The following CEP128 variants were observed in gnomAD, a reference collection of about 807,000 sequenced individuals.
CEP128 encodes centrosomal protein 128kDa.
Under a neutral mutation model 156.7 loss-of-function variants are expected in CEP128, and 132 were observed. That is an observed-to-expected ratio of 0.84 (90% confidence interval 0.73 to 0.97). The LOEUF (loss-of-function observed/expected upper bound fraction) is 0.97, where lower values mean the gene tolerates loss of function less well. CEP128 is among the 50% of genes least tolerant of loss of function. CEP128 has a pLI of 0.00. For synonymous variants in CEP128, 469 were observed against 448.9 expected, an observed-to-expected ratio of 1.04 and a Z score of -0.57; for missense variants, 1,252 against 1,281.9, an observed-to-expected ratio of 0.98 and a Z score of 0.36.
At chr14:80,598,829 T>C (rs1463163604) in intron 19 of CEP128, among the ~76,000 whole-genome samples, 1 of 152,100 alleles carries the variant, frequency 6.6e-6, no homozygotes, top group Non-Finnish European at 1.5e-5. Flanking sequence ...ATCCAAATTA[T>C]AGAAATGGAG....
At chr14:80,706,873 G>C (rs191056123) in intron 19 of CEP128, among the ~76,000 whole-genome samples, 10 of 152,008 alleles carry the variant, frequency 6.6e-5, no homozygotes, top group African/African-American at 2.2e-4. Context: ...CTTTCTTCCA[G>C]TTTGTTGATT....
At chr14:80,927,869 C>T (rs1158541529) in intron 2 of CEP128, among the ~76,000 whole-genome samples, 3 of 152,190 alleles carry the variant, frequency 2.0e-5, no homozygotes, top group Admixed American at 2.0e-4. Flanking sequence ...TAAGTGCATA[C>T]CTCTGAGGAA....
intron 1 of CEP128, among the ~76,000 whole-genome samples, 185 bp downstream of exon 1, chr14:80,941,396 C>G (rs1886148423): frequency 6.6e-6 from 1 of 152,074 alleles, no homozygotes; most frequent in African/African-American, 2.4e-5. Flanking sequence ...GGAGGGAGGC[C>G]TCGGGATGAC....
intron 13 of CEP128, among the ~76,000 whole-genome samples, chr14:80,801,646 C>T (rs1454651522): frequency 6.6e-6 from 1 of 152,058 alleles, no homozygotes; most frequent in Middle Eastern, 3.2e-3. Flanking sequence ...CGGTGGCTCA[C>T]ACCTGTAATT....
intron 13 of CEP128, among the ~76,000 whole-genome samples, chr14:80,821,470 A>G (rs1249528090): frequency 6.6e-6 from 1 of 152,136 alleles, no homozygotes; most frequent in African/African-American, 2.4e-5. Flanking sequence ...GTCCTCAAAT[A>G]AGTATTCCCA....
intron 8 of CEP128, among the ~76,000 whole-genome samples, chr14:80,865,328 G>T (rs1887716160): frequency 6.6e-6 from 1 of 152,064 alleles, no homozygotes; most frequent in South Asian, 2.1e-4. Context: ...TTCTTTATCT[G>T]TTCTTTGGTC....
At chr14:80,650,317 C>A (rs1399210984) in intron 19 of CEP128, among the ~76,000 whole-genome samples, 2 of 152,164 alleles carry the variant, frequency 1.3e-5, no homozygotes, top group African/African-American at 4.8e-5. Context: ...AAAGTTTGGG[C>A]TGAGACGATG....
chr14:80,546,165 G>A (rs1045697615), intron 21 of CEP128, among the ~76,000 whole-genome samples: 11 of 152,188 alleles, frequency 7.2e-5, no homozygotes, highest in Admixed American at 6.5e-4. Context: ...GGCTGGTAAA[G>A]GTAATGCATA....
intron 19 of CEP128, among the ~76,000 whole-genome samples, chr14:80,633,727 T>A (rs184959539): frequency 1.3e-5 from 2 of 152,220 alleles, no homozygotes; most frequent in Non-Finnish European, 2.9e-5. Context: ...CACCACTGTA[T>A]CTTCTTTGCA....
chr14:80,852,822 T>C (rs1269656367), intron 9 of CEP128, among the ~76,000 whole-genome samples: 2 of 151,918 alleles, frequency 1.3e-5, no homozygotes, highest in African/African-American at 4.8e-5. Flanking sequence ...ATGACACTAA[T>C]GTAACCATGC....
chr14:80,668,341 G>A (rs893525061), intron 19 of CEP128, among the ~76,000 whole-genome samples: 2 of 151,748 alleles, frequency 1.3e-5, no homozygotes, highest in Admixed American at 6.6e-5. Context: ...AAAACACAGA[G>A]GCATATATAA....
chr14:80,558,367 C>A (rs1367628638), intron 21 of CEP128, among the ~76,000 whole-genome samples: 2 of 152,064 alleles, frequency 1.3e-5, no homozygotes, highest in Non-Finnish European at 2.9e-5. Flanking sequence ...CGGCTCACGG[C>A]AACCTCTGCC....
chr14:80,660,049 A>G (rs1895333300), intron 19 of CEP128, among the ~76,000 whole-genome samples: 1 of 152,148 alleles, frequency 6.6e-6, no homozygotes, highest in African/African-American at 2.4e-5. Flanking sequence ...GGCATGTGGT[A>G]AATGCTTACA....
At chr14:80,560,033 T>G (rs1276402898) in intron 20 of CEP128, among the ~76,000 whole-genome samples, 1 of 152,234 alleles carries the variant, frequency 6.6e-6, no homozygotes, top group Non-Finnish European at 1.5e-5. Flanking sequence ...AAATAAAGAC[T>G]GACTCTGAGA....
intron 2 of CEP128, among the ~76,000 whole-genome samples, chr14:80,933,987 C>T (rs1353657790): frequency 6.6e-6 from 1 of 152,140 alleles, no homozygotes; most frequent in Non-Finnish European, 1.5e-5. Flanking sequence ...GTCCGATATA[C>T]AAGAAATAAG....
chr14:80,537,177 T>C (rs2069659882), intron 21 of CEP128, among the ~76,000 whole-genome samples: 1 of 152,204 alleles, frequency 6.6e-6, no homozygotes, highest in South Asian at 2.1e-4. Context: ...CACAGTATTT[T>C]TTTTTAAGAG....
intron 17 of CEP128, among the ~76,000 whole-genome samples, chr14:80,757,987 C>G (rs1056505911): frequency 1.3e-5 from 2 of 152,342 alleles, no homozygotes; most frequent in Admixed American, 6.5e-5. Flanking sequence ...TATTTCCTTC[C>G]TCTTCCAGTT....
At chr14:80,628,933 A>T (rs769680095) in intron 19 of CEP128, among the ~76,000 whole-genome samples, 3 of 152,144 alleles carry the variant, frequency 2.0e-5, no homozygotes, top group Non-Finnish European at 4.4e-5. Flanking sequence ...TGGTGGGGTA[A>T]GCGTTTTAGA....
chr14:80,926,160 G>A (rs1369532828), intron 2 of CEP128, among the ~76,000 whole-genome samples: 3 of 152,160 alleles, frequency 2.0e-5, no homozygotes, highest in Non-Finnish European at 4.4e-5. Context: ...CAGAAAGTGT[G>A]CTATAGCCAC....
Sources: gnomAD v4.1 joint callset for allele counts (sites outside exome capture counted in the v4.1 genomes callset) on GRCh38, gnomAD v4.1.1 for gene constraint, MANE v1.5 for transcripts, NCBI Gene and HGNC (gene_info 2026-07-23, HGNC 2026-07-21) for gene names.